The following SAMD12 variants were observed in gnomAD, a reference collection of about 807,000 sequenced individuals.
The protein encoded by SAMD12 is sterile alpha motif domain-containing protein 12.
Under a neutral mutation model 15.0 loss-of-function variants are expected in SAMD12, and 9 were observed. That is an observed-to-expected ratio of 0.60 (90% CI 0.36 to 1.05). The LOEUF (loss-of-function observed/expected upper bound fraction) is 1.05, where lower values mean the gene tolerates loss of function less well. Ranked by LOEUF, SAMD12 falls within the 50% of genes least tolerant of loss-of-function variation. The pLI is 0.01. For synonymous variants in SAMD12, 86 were observed against 90.1 expected (o/e 0.96, Z 0.25); for missense variants, 230 against 234.2 (o/e 0.98, Z 0.12).
chr8:118,423,272 T>C (rs1021788032), intron 3 of SAMD12, among the ~76,000 whole-genome samples: 4 of 152,282 alleles, frequency 2.6e-5, no homozygotes, highest in Middle Eastern at 3.4e-3. Flanking sequence ...TCACCTCCTT[T>C]ATTCTTCCCT....
At chr8:118,183,876 T>G in the SAMD12 span, among the ~76,000 whole-genome samples, 1 of 152,168 alleles carries the variant, frequency 6.6e-6, no homozygotes, top group African/African-American at 2.4e-5. Flanking sequence ...CCACTCTGTA[T>G]GCCTTTGCAT....
At chr8:118,278,534 A>G (rs1246022274) in intron 4 of SAMD12, among the ~76,000 whole-genome samples, 2 of 152,180 alleles carry the variant, frequency 1.3e-5, no homozygotes, top group African/African-American at 4.8e-5. Context: ...GCCAGTTTTC[A>G]CTGGTCATTG....
chr8:118,356,354 G>C (rs1398865699), intron 4 of SAMD12, among the ~76,000 whole-genome samples: 1 of 152,118 alleles, frequency 6.6e-6, no homozygotes, highest in Non-Finnish European at 1.5e-5. Context: ...AGCCGGTGTA[G>C]GGCACCACCT....
At chr8:118,420,224 TA>T (rs1199783014) in intron 3 of SAMD12, among the ~76,000 whole-genome samples, 2 of 152,166 alleles carry the variant, frequency 1.3e-5, no homozygotes, top group Non-Finnish European at 2.9e-5. Flanking sequence ...CTCTTACAAC[TA>T]AGGGCTAATT....
At chr8:118,591,315 A>G (rs1419401679) in intron 1 of SAMD12, among the ~76,000 whole-genome samples, 1 of 152,196 alleles carries the variant, frequency 6.6e-6, no homozygotes, top group African/African-American at 2.4e-5. Flanking sequence ...TTGAAATCCA[A>G]GCTCTACCAT....
exon 5 of SAMD12, chr8:118,190,021 A>G (rs928195222): frequency 3.9e-5 from 6 of 151,976 alleles, no homozygotes; most frequent in Non-Finnish European, 8.8e-5. Flanking sequence ...TACTTATGTA[A>G]TTAAACACTC....
intron 4 of SAMD12, among the ~76,000 whole-genome samples, chr8:118,289,447 A>C (rs771930317): frequency 6.6e-6 from 1 of 152,130 alleles, no homozygotes; most frequent in Non-Finnish European, 1.5e-5. Context: ...TAAATGTTCT[A>C]TTTTCCAAAT....
At chr8:118,396,272 T>A (rs1204455597) in intron 3 of SAMD12, among the ~76,000 whole-genome samples, 1 of 152,180 alleles carries the variant, frequency 6.6e-6, no homozygotes, top group African/African-American at 2.4e-5. Context: ...TTAATCACTC[T>A]GAGTTTTCTA....
At chr8:118,174,163 T>G in the SAMD12 span, among the ~76,000 whole-genome samples, 1 of 152,194 alleles carries the variant, frequency 6.6e-6, no homozygotes, top group Non-Finnish European at 1.5e-5. Context: ...TTACCTATCC[T>G]GTGGGATTGA....
downstream of SAMD12, among the ~76,000 whole-genome samples, chr8:118,187,721 A>G (rs1377217405): frequency 6.6e-6 from 1 of 152,018 alleles, no homozygotes; most frequent in African/African-American, 2.4e-5. Flanking sequence ...GAATCTGCCT[A>G]CTCCTTGTTT....
chr8:118,491,136 T>C (rs1007114951), intron 2 of SAMD12, among the ~76,000 whole-genome samples: 1 of 152,166 alleles, frequency 6.6e-6, no homozygotes, highest in Non-Finnish European at 1.5e-5. Context: ...CTTCCCAGTC[T>C]TCCCTGTGCT....
chr8:118,440,657 A>AAC (rs34419362), intron 2 of SAMD12, among the ~76,000 whole-genome samples: 27,532 of 141,920 alleles, frequency 0.19, 2,688 homozygotes, highest in East Asian at 0.24. Flanking sequence ...TTATGAGGAA[A>AAC]ACACACACAC....
intron 3 of SAMD12, among the ~76,000 whole-genome samples, chr8:118,408,241 C>T (rs1331627981): frequency 6.6e-6 from 1 of 152,048 alleles, no homozygotes; most frequent in African/African-American, 2.4e-5. Flanking sequence ...AAGACTACAC[C>T]ATCTGCTTTC....
chr8:118,277,123 A>C (rs1813493526), intron 4 of SAMD12, among the ~76,000 whole-genome samples: 1 of 152,082 alleles, frequency 6.6e-6, no homozygotes, highest in South Asian at 2.1e-4. Context: ...TAATTCACCT[A>C]TTATATTTCA....
At chr8:118,615,268 C>T (rs1176040963) in intron 1 of SAMD12, among the ~76,000 whole-genome samples, 1 of 152,160 alleles carries the variant, frequency 6.6e-6, no homozygotes, top group African/African-American at 2.4e-5. Context: ...TTAGGCTATC[C>T]CCACCCAGCT....
chr8:118,474,819 G>T (rs10101322), intron 2 of SAMD12, among the ~76,000 whole-genome samples: 1 of 152,062 alleles, frequency 6.6e-6, no homozygotes, highest in Non-Finnish European at 1.5e-5. Flanking sequence ...GATCCCCAAT[G>T]TTCTCGGTAG....
At chr8:118,621,511 C>G (rs1828405278) in intron 1 of SAMD12, 1 of 486,800 alleles carries the variant, frequency 2.1e-6, no homozygotes, top group Non-Finnish European at 3.7e-6. Context: ...ATGCCGGATC[C>G]TCCGGCTTTC....
chr8:118,488,086 A>T (rs977086452), intron 2 of SAMD12, among the ~76,000 whole-genome samples: 1 of 138,266 alleles, frequency 7.2e-6, no homozygotes, highest in Non-Finnish European at 1.5e-5. Flanking sequence ...GTACAGGAAT[A>T]AAAAAAAAAA....
At chr8:118,577,217 A>G (rs772653291) in intron 2 of SAMD12, among the ~76,000 whole-genome samples, 1 of 152,156 alleles carries the variant, frequency 6.6e-6, no homozygotes, top group Non-Finnish European at 1.5e-5. Flanking sequence ...GCTGGAGGCT[A>G]CTTGTGGCCA....
Sources: allele counts gnomAD v4.1 joint callset (sites outside exome capture counted in the v4.1 genomes callset), GRCh38; gene constraint gnomAD v4.1.1; transcripts MANE v1.5; gene names NCBI Gene and HGNC (gene_info 2026-07-23, HGNC 2026-07-21).